Variants in LUZP2 observed in about 807,000 individuals in gnomAD.
The protein encoded by LUZP2 is leucine zipper protein 2.
A neutral mutation model predicts 51.6 loss-of-function variants in LUZP2; 52 were observed. That is an observed-to-expected ratio of 1.01 (90% CI 0.81 to 1.27). The LOEUF is 1.27. Among genes scored for constraint, LUZP2 ranks in the 50% most tolerant of loss-of-function variants. The probability of loss-of-function intolerance (pLI) is 0.00; values close to 1 mark genes in which losing one functional copy is unlikely to be tolerated. For synonymous variants in LUZP2, 154 were observed against 137.3 expected, an observed-to-expected ratio of 1.12 and a Z score of -0.85; for missense variants, 436 against 395.4, an observed-to-expected ratio of 1.10 and a Z score of -0.87.
chr11:24,991,392 G>GTATATATATA (rs770909829), intron 9 of LUZP2, among the ~76,000 whole-genome samples: 8,615 of 102,792 alleles, frequency 0.084, 441 homozygotes, highest in Non-Finnish European at 0.12. Context: ...GTGTGTGTGT[G>GTATATATATA]TGTGTATATA....
chr11:24,747,727 G>A (rs1046525536), intron 4 of LUZP2, among the ~76,000 whole-genome samples: 22 of 152,090 alleles, frequency 1.4e-4, no homozygotes, highest in Admixed American at 6.5e-5. Flanking sequence ...GGTGGGTCTT[G>A]CTGTGGCTGT....
At chr11:24,836,224 C>G (rs1948071) in intron 5 of LUZP2, among the ~76,000 whole-genome samples, 140,860 of 151,896 alleles carry the variant, frequency 0.93, 66,010 homozygotes, top group East Asian at 1. Flanking sequence ...AAAATTCATA[C>G]ATAAAAAATT....
At chr11:24,539,639 T>C (rs1405645319) in intron 1 of LUZP2, among the ~76,000 whole-genome samples, 1 of 151,996 alleles carries the variant, frequency 6.6e-6, no homozygotes, top group African/African-American at 2.4e-5. Flanking sequence ...AAACTATCTA[T>C]GGACATAAGG....
At chr11:24,778,701 C>A (rs565769351) in intron 5 of LUZP2, among the ~76,000 whole-genome samples, 98 of 152,174 alleles carry the variant, frequency 6.4e-4, no homozygotes, top group African/African-American at 1.1e-3. Flanking sequence ...GAGAAAAGAA[C>A]CTTGAGAATG....
intron 7 of LUZP2, among the ~76,000 whole-genome samples, chr11:24,920,012 G>A (rs899830323): frequency 1.3e-5 from 2 of 151,874 alleles, no homozygotes; most frequent in African/African-American, 4.8e-5. Context: ...AGATTATAAA[G>A]TAAAATGATT....
chr11:24,990,067 C>G (rs969977572), intron 9 of LUZP2, among the ~76,000 whole-genome samples: 1 of 152,164 alleles, frequency 6.6e-6, no homozygotes, highest in South Asian at 2.1e-4. Context: ...TATATGGGGT[C>G]TATGCCCCCT....
chr11:24,964,868 C>G (rs10767287), intron 7 of LUZP2, among the ~76,000 whole-genome samples: 73,015 of 151,468 alleles, frequency 0.48, 17,979 homozygotes, highest in Non-Finnish European at 0.51. Context: ...TTCTTGTTCT[C>G]AATGCATGGT....
At chr11:24,642,088 C>G (rs953273760) in intron 1 of LUZP2, among the ~76,000 whole-genome samples, 2 of 151,734 alleles carry the variant, frequency 1.3e-5, no homozygotes, top group Non-Finnish European at 2.9e-5. Flanking sequence ...CGAGGTTTCA[C>G]TATGTTGGTC....
chr11:25,058,380 G>T (rs1858745530), intron 10 of LUZP2, among the ~76,000 whole-genome samples: 1 of 152,076 alleles, frequency 6.6e-6, no homozygotes, highest in African/African-American at 2.4e-5. Flanking sequence ...TATGGTAAAT[G>T]AAAATAACCC....
At chr11:24,823,690 C>T (rs78759956) in intron 5 of LUZP2, among the ~76,000 whole-genome samples, 2,169 of 152,026 alleles carry the variant, frequency 0.014, 52 homozygotes, top group East Asian at 0.13. Context: ...TTATTGAGAT[C>T]GAATCCATAG....
intron 5 of LUZP2, among the ~76,000 whole-genome samples, chr11:24,764,270 T>G (rs1044350831): frequency 6.6e-6 from 1 of 152,012 alleles, no homozygotes; most frequent in African/African-American, 2.4e-5. Context: ...AATTTCAACT[T>G]TATTTTTATC....
chr11:24,834,662 A>G (rs542941835), intron 5 of LUZP2, among the ~76,000 whole-genome samples: 1 of 152,054 alleles, frequency 6.6e-6, no homozygotes, highest in South Asian at 2.1e-4. Context: ...TCCTTGAGAA[A>G]TTGCCACACT....
At chr11:25,059,476 TA>T (rs1343588981) in intron 10 of LUZP2, among the ~76,000 whole-genome samples, 1 of 152,204 alleles carries the variant, frequency 6.6e-6, no homozygotes, top group African/African-American at 2.4e-5. Flanking sequence ...TCATTCTAAA[TA>T]TACTACTTTA....
chr11:25,033,991 T>G (rs911408471), intron 9 of LUZP2, among the ~76,000 whole-genome samples: 6 of 152,138 alleles, frequency 3.9e-5, no homozygotes, highest in African/African-American at 1.4e-4. Flanking sequence ...GTAAGTTATT[T>G]GAGAAACCTC....
chr11:24,971,531 A>C (rs1238833278), intron 7 of LUZP2, among the ~76,000 whole-genome samples: 2 of 152,158 alleles, frequency 1.3e-5, no homozygotes, highest in African/African-American at 4.8e-5. Context: ...CCTACTGGGT[A>C]GGATAGTCAC....
chr11:24,791,798 A>C (rs1300071847), intron 5 of LUZP2, among the ~76,000 whole-genome samples: 1 of 152,152 alleles, frequency 6.6e-6, no homozygotes, highest in African/African-American at 2.4e-5. Context: ...TTATTTACAG[A>C]GTTTTGCAAT....
chr11:24,996,453 T>C (rs1033822240), intron 9 of LUZP2, among the ~76,000 whole-genome samples: 1 of 151,888 alleles, frequency 6.6e-6, no homozygotes, highest in African/African-American at 2.4e-5. Context: ...ACTTCTGGGG[T>C]TTCCACAAAA....
At chr11:24,996,033 A>T (rs1306261582) in intron 9 of LUZP2, among the ~76,000 whole-genome samples, 1 of 150,776 alleles carries the variant, frequency 6.6e-6, no homozygotes, top group African/African-American at 2.4e-5. Flanking sequence ...TTATTTTTAT[A>T]TATTTTATTT....
At chr11:24,882,204 A>G (rs1371432641) in intron 5 of LUZP2, among the ~76,000 whole-genome samples, 1 of 152,070 alleles carries the variant, frequency 6.6e-6, no homozygotes, top group Non-Finnish European at 1.5e-5. Flanking sequence ...TACTTTAAAT[A>G]GTTAATATAT....
Sources: allele counts gnomAD v4.1 joint callset (sites outside exome capture counted in the v4.1 genomes callset), GRCh38; gene constraint gnomAD v4.1.1; transcripts MANE v1.5; gene names NCBI Gene and HGNC (gene_info 2026-07-23, HGNC 2026-07-21).